Variants in SORCS2 observed in about 807,000 individuals in gnomAD.
SORCS2 encodes sortilin related VPS10 domain containing receptor 2, also known as VPS10 domain-containing receptor SorCS2.
SORCS2 carries 100 observed loss-of-function variants against 141.6 expected under a neutral mutation model. That is an observed-to-expected ratio of 0.71 (90% CI 0.60 to 0.83). The LOEUF (loss-of-function observed/expected upper bound fraction) is 0.83. Ranked by LOEUF, SORCS2 falls within the 40% of genes least tolerant of loss-of-function variation. SORCS2 has a pLI of 0.00. For synonymous variants in SORCS2, 789 were observed against 676.9 expected (o/e 1.17, Z -2.57); for missense variants, 1,646 against 1,560.2 (o/e 1.05, Z -0.93).
chr4:7,426,703 G>A (rs1426720757), intron 2 of SORCS2, among the ~76,000 whole-genome samples: 1 of 152,148 alleles, frequency 6.6e-6, no homozygotes, highest in African/African-American at 2.4e-5. Flanking sequence ...CCCCACAAGA[G>A]AGGGTACCTT....
Position 7,441,190 on chromosome 4 carries a change from G to A in SORCS2, c.548+44835G>A, listed in dbSNP as rs191583298. 7.9e-5 allele frequency among the ~76,000 whole-genome samples: 12 copies of A among 152,332 alleles called. 1 individual carries two copies. The highest frequency in any genetic ancestry group is 2.9e-4 in the African/African-American group (12 of 41,572). ...GGGAGGGTCAGAGGGCAGGTGAAGA[G>A]TGAGGCTAGAAGGAGTTGTTGGCTG... On this transcript the variant is annotated intron_variant, in intron 2 of 26. Coordinates refer to ENST00000507866, the MANE Select transcript of SORCS2 (RefSeq NM_020777.3).
At chr4:7,552,337 C>T (rs999799104) in intron 3 of SORCS2, among the ~76,000 whole-genome samples, 4 of 152,104 alleles carry the variant, frequency 2.6e-5, no homozygotes, top group African/African-American at 7.2e-5. Flanking sequence ...TGTCTCTGTC[C>T]CCTGGGGCAC....
At chr4:7,437,860 C>T (rs1727409257) in intron 2 of SORCS2, among the ~76,000 whole-genome samples, 1 of 152,192 alleles carries the variant, frequency 6.6e-6, no homozygotes, top group African/African-American at 2.4e-5. Context: ...CTCCTTTCCT[C>T]TCACCTGTCT....
intron 1 of SORCS2, among the ~76,000 whole-genome samples, chr4:7,261,418 G>A (rs934676005): frequency 6.6e-6 from 1 of 152,214 alleles, no homozygotes; most frequent in Non-Finnish European, 1.5e-5. Context: ...TGTCTGCCAT[G>A]CCTGCGTGGC....
chr4:7,693,239 C>T (rs900880960), intron 11 of SORCS2, among the ~76,000 whole-genome samples: 12 of 152,172 alleles, frequency 7.9e-5, no homozygotes, highest in Admixed American at 2.0e-4. Flanking sequence ...TTTCAATAGA[C>T]TAGGATAGGA....
chr4:7,528,928 G>T (rs2109536682), intron 2 of SORCS2, among the ~76,000 whole-genome samples: 1 of 152,280 alleles, frequency 6.6e-6, no homozygotes, highest in East Asian at 1.9e-4. Context: ...GGTACCCTTG[G>T]CCTGCGGCCA....
In SORCS2 at chr4:7,475,752, G is replaced by A. The variant is rs559402228; in HGVS notation, c.549-55778G>A. On this transcript the variant is annotated intron_variant, in intron 2 of 26. Transcript: ENST00000507866. ...CACATATACATGACCCCTGCTCCCCGCTCTTACTGTGGTGCTGTGGTCTGG... is the reference window on the plus strand; with the variant it reads ...CACATATACATGACCCCTGCTCCCCACTCTTACTGTGGTGCTGTGGTCTGG... Among the ~76,000 whole-genome samples the A allele has an allele frequency of 3.3e-5, 5 of 152,320 alleles. 1 individual carries two copies. The South Asian group carries it at 8.3e-4, about 25-fold the overall frequency.
intron 23 of SORCS2, among the ~76,000 whole-genome samples, chr4:7,731,249 A>G (rs1711659144): frequency 6.6e-6 from 1 of 152,258 alleles, no homozygotes; most frequent in Non-Finnish European, 1.5e-5. Context: ...CTTAGGAACA[A>G]ATTAAACCAA....
At chr4:7,500,583 A>C (rs182417327) in intron 2 of SORCS2, among the ~76,000 whole-genome samples, 41 of 112,462 alleles carry the variant, frequency 3.6e-4, no homozygotes, top group African/African-American at 2.5e-3. Flanking sequence ...TAACCACAGA[A>C]AGCACCAGTG....
chr4:7,407,350 C>T (rs1001744621), intron 2 of SORCS2, among the ~76,000 whole-genome samples: 1 of 152,054 alleles, frequency 6.6e-6, no homozygotes, highest in African/African-American at 2.4e-5. Context: ...GCTTTATATA[C>T]TTGGGAGATT....
At chr4:7,308,211 AG>A (rs1717958504) in intron 1 of SORCS2, among the ~76,000 whole-genome samples, 1 of 152,072 alleles carries the variant, frequency 6.6e-6, no homozygotes, top group Admixed American at 6.5e-5. Flanking sequence ...AAACTCCTTT[AG>A]GGATCAGTGT....
At chr4:7,289,983 T>G (rs1243040046) in intron 1 of SORCS2, among the ~76,000 whole-genome samples, 1 of 152,152 alleles carries the variant, frequency 6.6e-6, no homozygotes, top group Non-Finnish European at 1.5e-5. Flanking sequence ...AGCCATCCTC[T>G]GAGTTGGCCT....
chr4:7,373,443 A>T, intron 1 of SORCS2, among the ~76,000 whole-genome samples: 1 of 111,640 alleles, frequency 9.0e-6, no homozygotes, highest in African/African-American at 3.7e-5. Flanking sequence ...TGTTGTATTG[A>T]ATTGTGAGAA....
chr4:7,650,271 G>C (rs961640084), intron 4 of SORCS2, among the ~76,000 whole-genome samples: 9 of 152,196 alleles, frequency 5.9e-5, no homozygotes, highest in Non-Finnish European at 1.3e-4. Flanking sequence ...GCGATGTTGT[G>C]GGGGCACCTT....
intron 3 of SORCS2, among the ~76,000 whole-genome samples, chr4:7,635,005 T>C (rs1345040418): frequency 1.3e-5 from 2 of 152,198 alleles, no homozygotes. Flanking sequence ...GCCTAAGATG[T>C]ACTGTGGTGT....
chr4:7,399,059 C>G (rs1259981156), intron 2 of SORCS2, among the ~76,000 whole-genome samples: 2 of 152,000 alleles, frequency 1.3e-5, no homozygotes, highest in African/African-American at 2.4e-5. Context: ...CTTTAATTTG[C>G]TTTTTTTTTG....
chr4:7,468,248 A>C (rs920726035), intron 2 of SORCS2, among the ~76,000 whole-genome samples: 1 of 152,190 alleles, frequency 6.6e-6, no homozygotes, highest in Non-Finnish European at 1.5e-5. Flanking sequence ...TCCTCCTTCC[A>C]GGTATGGAGC....
At chr4:7,551,074 T>G (rs1713661367) in intron 3 of SORCS2, among the ~76,000 whole-genome samples, 1 of 152,242 alleles carries the variant, frequency 6.6e-6, no homozygotes, top group African/African-American at 2.4e-5. Context: ...AAGGCCACTT[T>G]GTTCCTAGAA....
chr4:7,364,024 G>A (rs1426756082), intron 1 of SORCS2, among the ~76,000 whole-genome samples: 10 of 133,790 alleles, frequency 7.5e-5, no homozygotes, highest in Admixed American at 7.3e-4. Context: ...CCATTGTGGT[G>A]TATCACCATT....
Sources: allele counts gnomAD v4.1 joint callset (sites outside exome capture counted in the v4.1 genomes callset), GRCh38; gene constraint gnomAD v4.1.1; transcripts MANE v1.5; gene names NCBI Gene and HGNC (gene_info 2026-07-23, HGNC 2026-07-21).